Variants in MOB3B observed in about 807,000 individuals in gnomAD.
MOB3B encodes MOB kinase activator-like 2B.
Under a neutral mutation model 18.7 loss-of-function variants are expected in MOB3B, and 7 were observed. That is an observed-to-expected ratio of 0.37 (90% CI 0.21 to 0.70). The LOEUF is 0.70. Among genes scored for constraint, MOB3B ranks in the 30% least tolerant of loss-of-function variants. The pLI, the probability that MOB3B is intolerant of heterozygous loss-of-function variation, is 0.52. For missense variants in MOB3B, 253 were observed against 281.3 expected (o/e 0.90, Z 0.72); for synonymous variants, 111 against 99.9 (o/e 1.11, Z -0.66).
At chr9:27,462,002 T>C (rs574228242) in intron 1 of MOB3B, among the ~76,000 whole-genome samples, 1 of 152,320 alleles carries the variant, frequency 6.6e-6, no homozygotes, top group Non-Finnish European at 1.5e-5. Context: ...ATAAAGAGAA[T>C]AATGTTCCTT....
chr9:27,398,141 G>C (rs1327786689), intron 2 of MOB3B, among the ~76,000 whole-genome samples: 2 of 152,168 alleles, frequency 1.3e-5, no homozygotes. Flanking sequence ...CAGCATCCCG[G>C]GGAGGAGCTC....
chr9:27,459,359 G>A (rs942800341), intron 1 of MOB3B, among the ~76,000 whole-genome samples: 1 of 152,130 alleles, frequency 6.6e-6, no homozygotes, highest in Non-Finnish European at 1.5e-5. Flanking sequence ...GAATCTACTG[G>A]TCCATGGATG....
chr9:27,360,222 G>A (rs537150448), intron 2 of MOB3B, among the ~76,000 whole-genome samples: 63 of 152,166 alleles, frequency 4.1e-4, no homozygotes, highest in African/African-American at 1.3e-3. Flanking sequence ...AGAATTACCC[G>A]GCCAGATGCG....
At chr9:27,482,410 CAA>C (rs1195557882) in intron 1 of MOB3B, among the ~76,000 whole-genome samples, 1 of 152,020 alleles carries the variant, frequency 6.6e-6, no homozygotes, top group African/African-American at 2.4e-5. Context: ...AGAAAAACGG[CAA>C]TGTTAAAAGG....
At chr9:27,512,883 T>C (rs1025872453) in intron 1 of MOB3B, among the ~76,000 whole-genome samples, 1 of 152,194 alleles carries the variant, frequency 6.6e-6, no homozygotes, top group African/African-American at 2.4e-5. Context: ...TCATAATGTA[T>C]AGGAATATGC....
chr9:27,496,317 A>T (rs1467753897), intron 1 of MOB3B, among the ~76,000 whole-genome samples: 1 of 152,184 alleles, frequency 6.6e-6, no homozygotes, highest in East Asian at 1.9e-4. Context: ...AGGACCACTG[A>T]AAGTGTTAAG....
chr9:27,461,243 G>C (rs1219715277), intron 1 of MOB3B, among the ~76,000 whole-genome samples: 1 of 152,138 alleles, frequency 6.6e-6, no homozygotes, highest in African/African-American at 2.4e-5. Flanking sequence ...GTGTATGTAT[G>C]TGTGTATCAT....
chr9:27,425,012 A>G (rs573308551), intron 2 of MOB3B, among the ~76,000 whole-genome samples: 40 of 152,260 alleles, frequency 2.6e-4, no homozygotes, highest in Middle Eastern at 3.4e-3. Context: ...ACCACCCATA[A>G]TTTATTGCTT....
At chr9:27,340,656 A>C in intron 3 of MOB3B, among the ~76,000 whole-genome samples, 1 of 150,850 alleles carries the variant, frequency 6.6e-6, no homozygotes, top group East Asian at 1.9e-4. Context: ...TGTCCTTCCC[A>C]CCTGTATCAA....
chr9:27,386,825 C>T (rs921621575), intron 2 of MOB3B, among the ~76,000 whole-genome samples: 4 of 152,208 alleles, frequency 2.6e-5, no homozygotes, highest in African/African-American at 4.8e-5. Flanking sequence ...TTATATCCCT[C>T]ATTCAAGCAC....
chr9:27,498,410 G>A (rs1934502057), intron 1 of MOB3B, among the ~76,000 whole-genome samples: 1 of 152,170 alleles, frequency 6.6e-6, no homozygotes, highest in Non-Finnish European at 1.5e-5. Context: ...GAATAAGCGT[G>A]TGATGTGTGT....
intron 1 of MOB3B, among the ~76,000 whole-genome samples, chr9:27,457,063 C>A (rs1007489828): frequency 6.6e-6 from 1 of 152,186 alleles, no homozygotes; most frequent in Non-Finnish European, 1.5e-5. Context: ...ACTTGCCTAA[C>A]AAGATCCCAT....
At chr9:27,332,151 C>T (rs1027759220) in intron 3 of MOB3B, among the ~76,000 whole-genome samples, 13 of 152,180 alleles carry the variant, frequency 8.5e-5, no homozygotes, top group African/African-American at 3.1e-4. Flanking sequence ...CAACACCACA[C>T]CTGGCTAGTT....
chr9:27,345,729 T>G (rs1432318785), intron 3 of MOB3B, among the ~76,000 whole-genome samples: 1 of 152,224 alleles, frequency 6.6e-6, no homozygotes, highest in South Asian at 2.1e-4. Flanking sequence ...GGCTCCTTAC[T>G]CCTGTTTCAC....
chr9:27,387,419 G>C (rs1033109299), intron 2 of MOB3B, among the ~76,000 whole-genome samples: 2 of 152,164 alleles, frequency 1.3e-5, no homozygotes, highest in East Asian at 3.8e-4. Flanking sequence ...CCCTGTGTAA[G>C]CTTGGGTAGG....
rs138433096 is a variant in MOB3B, at chr9:27,467,157, C to T, written c.-198-11409G>A. On this transcript the variant is annotated intron_variant, in intron 1 of 3. Transcript: ENST00000262244. ...AAGTTTGAAATGAAATTGAGTCAGA[C>T]ATGTAATTGCAAACCATGTATCCTC... Among the ~76,000 whole-genome samples the T allele has an allele frequency of 3.8e-3, 575 of 152,232 alleles. 4 individuals are homozygous for T. Among genetic ancestry groups the T allele is most frequent in the African/African-American group, 0.012 (497 of 41,536 alleles).
intron 2 of MOB3B, among the ~76,000 whole-genome samples, chr9:27,383,150 C>T (rs915762029): frequency 8.6e-5 from 13 of 151,984 alleles, no homozygotes; most frequent in Admixed American, 7.2e-4. Flanking sequence ...CATGTTCACA[C>T]CCTGCTTGCA....
chr9:27,377,512 C>G (rs926693121), intron 2 of MOB3B, among the ~76,000 whole-genome samples: 2 of 152,142 alleles, frequency 1.3e-5, no homozygotes, highest in African/African-American at 4.8e-5. Context: ...GACCAGTGTT[C>G]TCAAACGGGA....
At chr9:27,512,929 GTA>G (rs1469219436) in intron 1 of MOB3B, among the ~76,000 whole-genome samples, 1 of 152,048 alleles carries the variant, frequency 6.6e-6, no homozygotes, top group Non-Finnish European at 1.5e-5. Flanking sequence ...GTACATCAGG[GTA>G]TACTCTAAGA....
Sources: gnomAD v4.1 joint callset for allele counts (sites outside exome capture counted in the v4.1 genomes callset) on GRCh38, gnomAD v4.1.1 for gene constraint, MANE v1.5 for transcripts, NCBI Gene and HGNC (gene_info 2026-07-23, HGNC 2026-07-21) for gene names.